The following TUBD1 variants were observed in gnomAD, a reference collection of about 807,000 sequenced individuals.
The protein encoded by TUBD1 is tubulin delta 1.
Under a neutral mutation model 51.2 loss-of-function variants are expected in TUBD1, and 38 were observed. The ratio of observed to expected loss-of-function variants is 0.74; its 90% CI spans 0.57 to 0.97. The LOEUF (loss-of-function observed/expected upper bound fraction) is 0.97, where lower values mean the gene tolerates loss of function less well. Among genes scored for constraint, TUBD1 ranks in the 50% least tolerant of loss-of-function variants. The pLI, the probability that TUBD1 is intolerant of heterozygous loss-of-function variation, is 0.00. For synonymous variants in TUBD1, 169 were observed against 178.2 expected (o/e 0.95, Z 0.41); for missense variants, 489 against 538.4 (o/e 0.91, Z 0.91).
At chr17:59,864,256 C>T (rs902659914) in intron 7 of TUBD1, among the ~76,000 whole-genome samples, 2 of 151,786 alleles carry the variant, frequency 1.3e-5, no homozygotes, top group Admixed American at 1.3e-4. Context: ...AGCAATCCTC[C>T]CACCTTAGCC....
intron 6 of TUBD1, among the ~76,000 whole-genome samples, chr17:59,873,944 CT>C (rs1895039680): frequency 6.6e-6 from 1 of 152,032 alleles, no homozygotes; most frequent in Non-Finnish European, 1.5e-5. Context: ...AATCCCAGCA[CT>C]TTGGGAGGCC....
At chr17:59,871,214 G>C (rs544462336) in intron 6 of TUBD1, among the ~76,000 whole-genome samples, 21 of 152,230 alleles carry the variant, frequency 1.4e-4, no homozygotes, top group Non-Finnish European at 3.1e-4. Context: ...ATTTATTTTT[G>C]AGACAGGGTC....
chr17:59,882,546 CAA>C (rs1318044069), intron 3 of TUBD1, among the ~76,000 whole-genome samples: 3 of 151,984 alleles, frequency 2.0e-5, no homozygotes, highest in African/African-American at 7.3e-5. Context: ...TTCAGCCTCC[CAA>C]AGTGTTGGGA....
At chr17:59,867,775 G>C (rs1053259853) in intron 6 of TUBD1, among the ~76,000 whole-genome samples, 4 of 151,972 alleles carry the variant, frequency 2.6e-5, no homozygotes, top group African/African-American at 7.2e-5. Flanking sequence ...CTTTGGGAGG[G>C]GAGGAGTGTA....
intron 8 of TUBD1, among the ~76,000 whole-genome samples, chr17:59,861,622 A>G (rs775867484): frequency 6.6e-6 from 1 of 152,102 alleles, no homozygotes; most frequent in Non-Finnish European, 1.5e-5. Context: ...GAATGACACC[A>G]GAAGAGGACA....
rs780208655 is a variant in TUBD1, at chr17:59,890,903, A to G, written c.100T>C (p.Cys34Arg). Reference protein sequence around the residue: ...LSDSHSSQGLCSMRENEAYQA... With the variant: ...LSDSHSSQGLRSMRENEAYQA... ...TATGCCTCATTCTCTCTCATAGAGC[A>G]GAGTCCCTGGGAACTGTGTGAGTCA... Residue 34 changes from cysteine (C) to arginine (R), a missense_variant, in exon 2 of 9, where the codon TGC becomes CGC. Transcript: ENST00000325752. 6.2e-7 allele frequency: 1 copy of G among 1,613,994 alleles called. No individual in the cohort carries two copies. Among genetic ancestry groups the G allele is most frequent in the South Asian group, 1.1e-5 (1 of 91,064 alleles).
At chr17:59,864,177 A>C (rs2039593991) in intron 7 of TUBD1, among the ~76,000 whole-genome samples, 2 of 151,332 alleles carry the variant, frequency 1.3e-5, no homozygotes, top group African/African-American at 4.9e-5. Context: ...TTTTTGAGAC[A>C]GCCTGTTGCC....
chr17:59,870,430 G>A (rs902948187), intron 6 of TUBD1, among the ~76,000 whole-genome samples: 4 of 139,906 alleles, frequency 2.9e-5, no homozygotes, highest in African/African-American at 1.1e-4. Flanking sequence ...AATACAGGAG[G>A]ATTAACTAAA....
At chr17:59,877,139 G>A (rs990052055) in intron 5 of TUBD1, among the ~76,000 whole-genome samples, 2 of 151,914 alleles carry the variant, frequency 1.3e-5, no homozygotes, top group Admixed American at 1.3e-4. Context: ...GGATACAGGC[G>A]TGAGCCACCA....
chr17:59,880,496 G>T (rs1423455473), intron 4 of TUBD1, among the ~76,000 whole-genome samples: 2 of 151,996 alleles, frequency 1.3e-5, no homozygotes, highest in Admixed American at 6.6e-5. Context: ...ATGAAAGGGT[G>T]AGCACAATCT....
chr17:59,892,425 A>G (rs2041150074), intron 1 of TUBD1, among the ~76,000 whole-genome samples: 1 of 152,154 alleles, frequency 6.6e-6, no homozygotes, highest in Non-Finnish European at 1.5e-5. Context: ...GTTCCTCATT[A>G]TTTTTACCTA....
chr17:59,860,394 T>G lies in TUBD1; in HGVS notation c.1290A>C (p.Gly430=). ...KAYIHQYTKF[G]IEEEDFLDSF... is the part of the protein sequence containing the mutation. ...TGTCTAAAAAGTCCTCTTCTTCGAT[T>G]CCAAATTTTGTGTACTGATGAATGT... Residue 430 remains glycine, a synonymous_variant, in exon 9 of 9, where the codon GGA becomes GGC. Coordinates refer to ENST00000325752, the MANE Select transcript of TUBD1 (RefSeq NM_016261.4). The G allele has an allele frequency of 6.2e-7, 1 of 1,610,530 alleles. No homozygotes were observed. Among genetic ancestry groups the G allele is most frequent in the Non-Finnish European group, 8.5e-7 (1 of 1,177,912 alleles).
At chr17:59,877,912 C>T (rs2040299618) in intron 5 of TUBD1, among the ~76,000 whole-genome samples, 191 bp downstream of exon 5, 1 of 151,546 alleles carries the variant, frequency 6.6e-6, no homozygotes, top group Admixed American at 6.6e-5. Context: ...CAGTGGATAC[C>T]CACTGCCCTT....
At chr17:59,861,617 A>C (rs1464369898) in intron 8 of TUBD1, among the ~76,000 whole-genome samples, 1 of 152,092 alleles carries the variant, frequency 6.6e-6, no homozygotes, top group African/African-American at 2.4e-5. Flanking sequence ...GAAGGGAATG[A>C]CACCAGAAGA....
rs1598506058 is a variant in TUBD1 at position 59,866,468 on chromosome 17, C to G, written c.1075+141G>C. The stretch of plus-strand genomic sequence containing the variant: ...GTGTCTAGTCACATACTAACTGATG[C>G]CATGGTCAAATTTTGCCACTAAAAC... On this transcript the variant is annotated intron_variant, in intron 7 of 8. Transcript: ENST00000325752. The G allele has an allele frequency of 4.2e-6, 4 of 944,924 alleles. No individual in the cohort carries two copies. In the East Asian group the frequency reaches 1.0e-4, roughly 25 times the overall value. The allele number at this position is 944,924 out of a possible 1,614,324, so 58.5% of individuals were successfully genotyped here. A position where few individuals can be genotyped will look rare whatever the true frequency, so the allele number is the denominator to read the frequency against.
At chr17:59,888,074 A>G (rs1276790561) in intron 2 of TUBD1, among the ~76,000 whole-genome samples, 1 of 152,026 alleles carries the variant, frequency 6.6e-6, no homozygotes, top group East Asian at 1.9e-4. Context: ...AGCTGGGACT[A>G]CAGGCACCCG....
intron 5 of TUBD1, among the ~76,000 whole-genome samples, chr17:59,875,115 C>T (rs1331850165): frequency 8.0e-5 from 9 of 111,946 alleles, no homozygotes; most frequent in African/African-American, 2.5e-4. Context: ...CTTGTTCTGT[C>T]GCCAGGCTGG....
intron 5 of TUBD1, among the ~76,000 whole-genome samples, chr17:59,877,297 C>T (rs575690129): frequency 2.6e-5 from 4 of 152,338 alleles, no homozygotes; most frequent in African/African-American, 7.2e-5. Flanking sequence ...AGCACAACTA[C>T]GGAAAGTCAT....
chr17:59,866,474 TC>T, intron 7 of TUBD1, 134 bp downstream of exon 7: 1 of 1,051,478 alleles, frequency 9.5e-7, no homozygotes, highest in African/African-American at 1.6e-5. Context: ...GATGCCATGG[TC>T]AAATTTTGCC....
Sources: gnomAD v4.1 joint callset for allele counts (sites outside exome capture counted in the v4.1 genomes callset) on GRCh38, gnomAD v4.1.1 for gene constraint, MANE v1.5 for transcripts, NCBI Gene and HGNC (gene_info 2026-07-23, HGNC 2026-07-21) for gene names.